The following FRMD4A variants were observed in gnomAD, a reference collection of about 807,000 sequenced individuals.
FRMD4A encodes FERM domain-containing protein 4A.
A neutral mutation model predicts 129.1 loss-of-function variants in FRMD4A; 29 were observed. The observed-to-expected ratio is 0.22, with a 90% confidence interval of 0.17 to 0.31. The LOEUF (loss-of-function observed/expected upper bound fraction) is 0.31. FRMD4A is among the 10% of genes least tolerant of loss of function. The pLI is 1.00. For synonymous variants in FRMD4A, 634 were observed against 571.6 expected (o/e 1.11, Z -1.56); for missense variants, 1,272 against 1,375.8 (o/e 0.92, Z 1.19).
At chr10:13,978,648 T>C (rs1487003775) in intron 2 of FRMD4A, among the ~76,000 whole-genome samples, 5 of 152,194 alleles carry the variant, frequency 3.3e-5, no homozygotes, top group Non-Finnish European at 5.9e-5. Context: ...TATTTGGGTC[T>C]GGAAAACGTC....
At chr10:13,656,078 T>C (rs74123095) in intron 22 of FRMD4A, 1 of 152,234 alleles carries the variant, frequency 6.6e-6, no homozygotes, top group Admixed American at 6.5e-5. Context: ...TTTGTGGCTA[T>C]GGCATAACAT....
chr10:13,706,527 A>G (rs2087463392), intron 13 of FRMD4A, among the ~76,000 whole-genome samples: 1 of 152,180 alleles, frequency 6.6e-6, no homozygotes, highest in Non-Finnish European at 1.5e-5. Flanking sequence ...CTAACATCCT[A>G]AAATTACAGC....
intron 2 of FRMD4A, among the ~76,000 whole-genome samples, chr10:14,126,890 A>G (rs1838873119): frequency 6.6e-6 from 1 of 152,208 alleles, no homozygotes; most frequent in Non-Finnish European, 1.5e-5. Flanking sequence ...GCAATATGGC[A>G]TGTTTATTGT....
At chr10:14,162,650 T>TTTTTTTTTTTTTTTTG (rs1840965619) in intron 2 of FRMD4A, among the ~76,000 whole-genome samples, 1 of 150,982 alleles carries the variant, frequency 6.6e-6, no homozygotes, top group African/African-American at 2.4e-5. Context: ...TGTTTTTTTT[T>TTTTTTTTTTTTTTTTG]TTTTTTTTTG....
At chr10:13,671,658 A>T (rs538352879) in intron 16 of FRMD4A, among the ~76,000 whole-genome samples, 8 of 152,314 alleles carry the variant, frequency 5.3e-5, no homozygotes, top group African/African-American at 1.7e-4. Context: ...CAAGATTAGA[A>T]TCAGGCTCTC....
At chr10:13,838,917 A>G (rs1040083529) in intron 3 of FRMD4A, among the ~76,000 whole-genome samples, 2 of 152,138 alleles carry the variant, frequency 1.3e-5, no homozygotes, top group Non-Finnish European at 2.9e-5. Context: ...ACATTGAATA[A>G]AAACCATCCA....
At chr10:13,732,083 G>A (rs1264012234) in intron 12 of FRMD4A, among the ~76,000 whole-genome samples, 1 of 152,140 alleles carries the variant, frequency 6.6e-6, no homozygotes, top group Admixed American at 6.6e-5. Context: ...GAAGGTCCAG[G>A]TAGCAGAGTG....
intron 13 of FRMD4A, among the ~76,000 whole-genome samples, chr10:13,704,102 TCA>T (rs1439541323): frequency 2.0e-5 from 3 of 152,128 alleles, no homozygotes; most frequent in Non-Finnish European, 4.4e-5. Context: ...TGTAACGCAC[TCA>T]CACGTGGCTC....
At chr10:13,845,793 G>A (rs186999479) in intron 3 of FRMD4A, among the ~76,000 whole-genome samples, 10 of 152,300 alleles carry the variant, frequency 6.6e-5, no homozygotes, top group East Asian at 1.9e-4. Context: ...AGTGTTCTCC[G>A]TTTACAGATG....
At chr10:14,202,248 C>T (rs1842659527) in intron 2 of FRMD4A, among the ~76,000 whole-genome samples, 1 of 152,186 alleles carries the variant, frequency 6.6e-6, no homozygotes, top group African/African-American at 2.4e-5. Context: ...AGAAGCCTTC[C>T]TGTCTGTGCC....
intron 2 of FRMD4A, among the ~76,000 whole-genome samples, chr10:14,211,811 A>T (rs1207146299): frequency 6.6e-6 from 1 of 152,200 alleles, no homozygotes; most frequent in Non-Finnish European, 1.5e-5. Flanking sequence ...GAAAACTGTC[A>T]TGCATTATAG....
At chr10:14,040,832 T>G (rs559992865) in intron 2 of FRMD4A, among the ~76,000 whole-genome samples, 39 of 152,192 alleles carry the variant, frequency 2.6e-4, no homozygotes, top group Non-Finnish European at 5.0e-4. Flanking sequence ...TTTGGCTTCA[T>G]GTACACAGGT....
intron 2 of FRMD4A, among the ~76,000 whole-genome samples, chr10:13,935,446 C>CAA (rs71388135): frequency 0.014 from 510 of 36,426 alleles, 44 homozygotes; most frequent in African/African-American, 0.044. Context: ...AACTCCATCT[C>CAA]AAAAAAAAAA....
intron 2 of FRMD4A, among the ~76,000 whole-genome samples, chr10:14,140,875 C>T (rs1839800367): frequency 6.6e-6 from 1 of 152,126 alleles, no homozygotes; most frequent in Non-Finnish European, 1.5e-5. Flanking sequence ...CACCACCTCT[C>T]CCAAATAAAG....
At chr10:14,032,251 T>C (rs1833281247) in intron 2 of FRMD4A, among the ~76,000 whole-genome samples, 1 of 152,180 alleles carries the variant, frequency 6.6e-6, no homozygotes, top group South Asian at 2.1e-4. Context: ...TGTCAGCAAA[T>C]AACATATATT....
intron 2 of FRMD4A, among the ~76,000 whole-genome samples, chr10:14,175,428 TC>T (rs1327193494): frequency 6.6e-6 from 1 of 151,118 alleles, no homozygotes; most frequent in East Asian, 1.9e-4. Context: ...CTTCTTCTCC[TC>T]CCGTTCACAC....
chr10:14,118,710 A>G (rs541107319), intron 2 of FRMD4A, among the ~76,000 whole-genome samples: 27 of 152,316 alleles, frequency 1.8e-4, no homozygotes, highest in Non-Finnish European at 3.5e-4. Context: ...GGGAACTCCC[A>G]TTTATAAAAC....
chr10:14,185,666 A>C (rs1195004282), intron 2 of FRMD4A, among the ~76,000 whole-genome samples: 2 of 152,202 alleles, frequency 1.3e-5, no homozygotes, highest in Middle Eastern at 3.4e-3. Context: ...TTAGCTGTGC[A>C]GATGAGCAGA....
intron 2 of FRMD4A, among the ~76,000 whole-genome samples, chr10:14,311,176 A>G (rs972334891): frequency 8.4e-4 from 128 of 152,176 alleles, no homozygotes; most frequent in African/African-American, 3.0e-3. Flanking sequence ...CCACACTTGG[A>G]ATCCCACACA....
Sources: gnomAD v4.1 joint callset for allele counts (sites outside exome capture counted in the v4.1 genomes callset) on GRCh38, gnomAD v4.1.1 for gene constraint, MANE v1.5 for transcripts, NCBI Gene and HGNC (gene_info 2026-07-23, HGNC 2026-07-21) for gene names.